The following TLR5 variants were observed in gnomAD, a reference collection of about 807,000 sequenced individuals.
TLR5 encodes toll like receptor 5.
For missense variants in TLR5, 944 were observed against 999.8 expected (o/e 0.94, Z 0.75); for synonymous variants, 373 against 384.4 (o/e 0.97, Z 0.35).
chr1:223,138,742 A>G (rs1657718806), intron 2 of TLR5, among the ~76,000 whole-genome samples: 1 of 152,206 alleles, frequency 6.6e-6, no homozygotes, highest in African/African-American at 2.4e-5. Context: ...GGAATCCTAC[A>G]CCTGCAGCAC....
intron 5 of TLR5, among the ~76,000 whole-genome samples, chr1:223,117,233 G>A (rs1398064193): frequency 3.3e-5 from 5 of 152,188 alleles, no homozygotes; most frequent in Admixed American, 6.5e-5. Context: ...TGGCTGCTCC[G>A]AGTTAGGGCC....
intron 2 of TLR5, chr1:223,141,443 A>T (rs969273930): frequency 6.6e-6 from 1 of 152,188 alleles, no homozygotes; most frequent in African/African-American, 2.4e-5. Flanking sequence ...AATTAGGGTC[A>T]TACGCACAGG....
At chr1:223,140,525 T>A (rs1657795683) in intron 2 of TLR5, among the ~76,000 whole-genome samples, 1 of 140,516 alleles carries the variant, frequency 7.1e-6, no homozygotes, top group African/African-American at 2.8e-5. Flanking sequence ...CCAGCCTAGG[T>A]GACAGAGTGA....
chr1:223,117,500 C>A (rs1348759795), intron 5 of TLR5, among the ~76,000 whole-genome samples: 1 of 140,840 alleles, frequency 7.1e-6, no homozygotes, highest in Non-Finnish European at 1.5e-5. Flanking sequence ...CAATACTTAT[C>A]ATCTCTGTCC....
chr1:223,124,651 C>T (rs908716003), intron 5 of TLR5, among the ~76,000 whole-genome samples: 2 of 152,140 alleles, frequency 1.3e-5, no homozygotes, highest in African/African-American at 2.4e-5. Flanking sequence ...CTCAATCTGT[C>T]ACCCAGGCTG....
chr1:223,115,821 T>A lies in TLR5; in HGVS notation c.-4-2786A>T, dbSNP rs952334649. On this transcript the variant is annotated intron_variant, in intron 5 of 5. Coordinates refer to ENST00000642603, the MANE Select transcript of TLR5 (RefSeq NM_003268.6). ...GATTAGAGCAGGTGTCTAACAGAAG[T>A]AAGGAAAGGATGTGGAGAGGCCCAA... 2.8e-4 allele frequency among the ~76,000 whole-genome samples: 43 copies of A among 151,602 alleles called. 2 individuals are homozygous for A. The highest frequency in any genetic ancestry group is 8.2e-4 in the African/African-American group (34 of 41,298).
At position 223,110,607 on chromosome 1, in the gene TLR5, A is replaced by G; in HGVS notation, c.2425T>C (p.Phe809Leu). Reference protein sequence around the residue: ...QLMKHQSIRGFVQKQQYLRWP... With the variant: ...QLMKHQSIRGLVQKQQYLRWP... ...CTCAAATACTGCTGTTTCTGTACAA[A>G]GCCTCTGATGGATTGATGTTTCATC... The change falls in exon 6 of 6, where the codon TTT becomes CTT. Residue 809 changes from phenylalanine to leucine, a missense_variant. Transcript: ENST00000642603. 1 of 1,614,150 alleles carries G rather than the reference A, an allele frequency of 6.2e-7. No individual in the cohort carries two copies. The highest frequency in any genetic ancestry group is 8.5e-7 in the Non-Finnish European group (1 of 1,180,038).
intron 5 of TLR5, among the ~76,000 whole-genome samples, chr1:223,122,346 G>A (rs551552317): frequency 2.4e-4 from 36 of 152,284 alleles, no homozygotes; most frequent in Admixed American, 4.6e-4. Flanking sequence ...GGTTCCTGGC[G>A]TGCAATTGGA....
chr1:223,112,405 A>G lies in TLR5; in HGVS notation c.627T>C (p.Tyr209=), dbSNP rs776525523. 6.2e-7 allele frequency: 1 copy of G among 1,614,248 alleles called. No individual in the cohort carries two copies. The highest frequency in any genetic ancestry group is 1.1e-5 in the South Asian group (1 of 91,080). The change falls in exon 6 of 6, where the codon TAT becomes TAC. Residue 209 remains tyrosine, a synonymous_variant. Transcript: ENST00000642603. ...SFFSLAANSL[Y]SRVSVDWGKC... ...TTCCCCAGTCCACTGAGACTCTGCT[A>G]TACAAGCTATTAGCTGCGAGGCTAA...
At position 223,134,674 on chromosome 1, in the gene TLR5, A is replaced by AT. The variant is rs1657534632; in HGVS notation, c.-170+7dup. The AT allele has an allele frequency of 6.6e-6, 1 of 152,348 alleles. No homozygotes were observed. Among genetic ancestry groups the AT allele is most frequent in the Non-Finnish European group, 1.5e-5 (1 of 68,044 alleles). The allele number at this position is 152,348 out of a possible 1,614,324, so 9.4% of individuals were successfully genotyped here. On this transcript the variant is annotated splice_region_variant and intron_variant, in intron 4 of 5. Transcript: ENST00000642603. ...AAGGTGGCTCGCCCAGAAAGTGAAC[A>AT]TCCCTACCTGTCTCCAGGTTCGGAC...
At chr1:223,113,697 C>T (rs766015294) in intron 5 of TLR5, among the ~76,000 whole-genome samples, 13 of 152,150 alleles carry the variant, frequency 8.5e-5, no homozygotes, top group Admixed American at 2.6e-4. Context: ...TGAGCTCAAG[C>T]GATCCTCCTA....
intron 2 of TLR5, 93 bp downstream of exon 2, chr1:223,141,555 C>G (rs150881353): frequency 1.4e-4 from 22 of 151,978 alleles, no homozygotes; most frequent in African/African-American, 4.6e-4. Context: ...GGCGGATCAC[C>G]TGAGGTCAGG....
chr1:223,117,097 G>A (rs1356803023), intron 5 of TLR5, among the ~76,000 whole-genome samples: 1 of 152,154 alleles, frequency 6.6e-6, no homozygotes, highest in Non-Finnish European at 1.5e-5. Flanking sequence ...CCCGAGCCCT[G>A]CCCTGCAGGC....
chr1:223,114,497 A>C (rs1263437110), intron 5 of TLR5, among the ~76,000 whole-genome samples: 1 of 152,228 alleles, frequency 6.6e-6, no homozygotes, highest in East Asian at 1.9e-4. Flanking sequence ...TGGTTTATAA[A>C]GAGCATGAAT....
chr1:223,142,703 G>T (rs531651877), intron 1 of TLR5, among the ~76,000 whole-genome samples: 1 of 152,290 alleles, frequency 6.6e-6, no homozygotes, highest in Non-Finnish European at 1.5e-5. Flanking sequence ...GCTGTGGGGT[G>T]GGGTGTTTAG....
At chr1:223,141,822 T>TAGAGAGAGAGAG (rs71592351) in intron 1 of TLR5, 59 bp from the exon 2 acceptor site, 6 of 42,974 alleles carry the variant, frequency 1.4e-4, no homozygotes, top group African/African-American at 4.7e-4. Context: ...TATATATATA[T>TAGAGAGAGAGAG]AGAGAGAGAG....
rs1394871288 is a variant in TLR5, at chr1:223,131,494, C to T, written c.-5+981G>A. ...CCCATTCCAACTCCCCCGTCAAAGGCCACCTCAGAAGCCACCTCTGCCATG... is the reference window on the plus strand; with the variant it reads ...CCCATTCCAACTCCCCCGTCAAAGGTCACCTCAGAAGCCACCTCTGCCATG... On this transcript the variant is annotated intron_variant, in intron 5 of 5. Transcript: ENST00000642603. The surrounding 1 kb of genome is among the most constrained non-coding windows in gnomAD (Gnocchi z 4.2). Among the ~76,000 whole-genome samples, 1 of 152,220 alleles carries T rather than the reference C, an allele frequency of 6.6e-6. No homozygotes were observed. The highest frequency in any genetic ancestry group is 2.4e-5 in the African/African-American group (1 of 41,456).
intron 5 of TLR5, among the ~76,000 whole-genome samples, chr1:223,118,191 C>T (rs988108521): frequency 2.6e-5 from 4 of 152,064 alleles, no homozygotes; most frequent in Non-Finnish European, 4.4e-5. Flanking sequence ...ACTGGAGGGG[C>T]GAGGGAGCTT....
At position 223,132,552 on chromosome 1, in the gene TLR5, A is replaced by G. The variant is rs1475324157; in HGVS notation, c.-82T>C. The G allele has an allele frequency of 2.0e-5, 3 of 152,388 alleles. No individual in the cohort carries two copies. The highest frequency in any genetic ancestry group is 4.1e-4 in the South Asian group (2 of 4,822). 9.4% of individuals were successfully genotyped at this position (152,388 alleles called of 1,614,324 possible). On this transcript the variant is annotated 5_prime_UTR_variant, in exon 5 of 6. Coordinates refer to ENST00000642603, the MANE Select transcript of TLR5 (RefSeq NM_003268.6). ...GGGTCCCTGGTTGTTTAAAGACTTC[A>G]GTTCCTGAGACTATAGGAATCTCAT...
Sources: gnomAD v4.1 joint callset for allele counts (sites outside exome capture counted in the v4.1 genomes callset) on GRCh38, gnomAD v4.1.1 for gene constraint, Gnocchi (gnomAD v3.1) non-coding constraint, MANE v1.5 for transcripts, NCBI Gene and HGNC (gene_info 2026-07-23, HGNC 2026-07-21) for gene names.